The following SUPT6H variants were observed in gnomAD, a reference collection of about 807,000 sequenced individuals.
SUPT6H encodes SPT6 homolog, histone chaperone and transcription elongation factor, also known as transcription elongation factor SPT6.
In SUPT6H, 11 loss-of-function variants were observed where a neutral mutation model predicts 222.3. The observed-to-expected ratio is 0.05, with a 90% CI of 0.03 to 0.08. SUPT6H has a LOEUF of 0.08. Ranked by LOEUF, SUPT6H falls within the 10% of genes least tolerant of loss-of-function variation. The pLI, the probability that SUPT6H is intolerant of heterozygous loss-of-function variation, is 1.00. For synonymous variants in SUPT6H, 762 were observed against 801.2 expected, an observed-to-expected ratio of 0.95 and a Z score of 0.83; for missense variants, 1,422 against 2,216.0, an observed-to-expected ratio of 0.64 and a Z score of 7.19.
At chr17:28,692,502 G>A (rs1567701533) in intron 27 of SUPT6H, among the ~76,000 whole-genome samples, 2 of 146,000 alleles carry the variant, frequency 1.4e-5, no homozygotes, top group Non-Finnish European at 3.0e-5. Context: ...GTGTGGTGGT[G>A]AGACTCCTAT....
intron 1 of SUPT6H, among the ~76,000 whole-genome samples, chr17:28,663,827 C>CCTTTTTTTTTTTTTTTTTTTTTTT (rs1567681347): frequency 7.1e-4 from 6 of 8,408 alleles, no homozygotes; most frequent in African/African-American, 1.3e-3. Context: ...CTGCCCACTC[C>CCTTTTTTTTTTTTTTTTTTTTTTT]ATTTTTTTTT....
At chr17:28,681,473 G>A in intron 12 of SUPT6H, 69 bp downstream of exon 12, 1 of 1,509,998 alleles carries the variant, frequency 6.6e-7, no homozygotes. Context: ...TGTAATCCCA[G>A]CATTTTCAGA....
intron 28 of SUPT6H, 70 bp downstream of exon 28, chr17:28,693,906 G>C (rs1431876332): frequency 8.7e-6 from 14 of 1,600,114 alleles, no homozygotes; most frequent in Non-Finnish European, 1.2e-5. Flanking sequence ...TTTAACTTTG[G>C]GCTGTCCCCA....
chr17:28,691,239 T>A, intron 27 of SUPT6H, 176 bp downstream of exon 27: 2 of 875,046 alleles, frequency 2.3e-6, no homozygotes, highest in Non-Finnish European at 3.4e-6. Flanking sequence ...CTGAGAAGGC[T>A]GACATAGCTG....
chr17:28,691,248 T>TG, intron 27 of SUPT6H, 185 bp downstream of exon 27: 1 of 778,524 alleles, frequency 1.3e-6, no homozygotes. Flanking sequence ...CTGACATAGC[T>TG]GGGCACGGTG....
intron 29 of SUPT6H, among the ~76,000 whole-genome samples, chr17:28,696,296 C>CAA (rs1185490286): frequency 1.1e-4 from 6 of 53,704 alleles, no homozygotes; most frequent in Admixed American, 2.1e-4. Flanking sequence ...GACTCTGTCT[C>CAA]AAAAAAAAAA....
In SUPT6H at chr17:28,686,672, T is replaced by C; in HGVS notation, c.2583T>C (p.Ile861=). 1 of 1,600,090 alleles carries C rather than the reference T, an allele frequency of 6.2e-7. No homozygotes were observed. The highest frequency in any genetic ancestry group is 8.5e-7 in the Non-Finnish European group (1 of 1,174,500). ...CCACCAGGGACGCCCAGATGTTGAT[T>C]GAAGATGTGAAGCGCATTGTACATG... ...AGENRDAQML[I]EDVKRIVHEL... The change falls in exon 21 of 37, where the codon ATT becomes ATC. Residue 861 remains isoleucine (I), a synonymous_variant. Transcript: ENST00000314616.
chr17:28,679,367 C>T (rs1327992297), intron 11 of SUPT6H, among the ~76,000 whole-genome samples: 4 of 151,152 alleles, frequency 2.6e-5, no homozygotes, highest in South Asian at 2.1e-4. Flanking sequence ...AGCGAGACTT[C>T]GTCTCAAAAA....
intron 30 of SUPT6H, 77 bp from the exon 31 acceptor site, chr17:28,697,543 G>A: frequency 8.0e-7 from 1 of 1,253,544 alleles, no homozygotes; most frequent in South Asian, 1.3e-5. Flanking sequence ...CCCTCCCATG[G>A]TTTTTCTTCT....
chr17:28,674,790 G>A lies in SUPT6H; in HGVS notation c.345+177G>A, dbSNP rs894313166. 10 of 945,652 alleles carry A rather than the reference G, an allele frequency of 1.1e-5. No homozygotes were observed. The African/African-American group carries it at 1.7e-4, about 16-fold the overall frequency. The allele number at this position is 945,652 out of a possible 1,614,324, so 58.6% of individuals were successfully genotyped here. On this transcript the variant is annotated intron_variant, in intron 4 of 36. Transcript: ENST00000314616. ...ATCCCAGATCTGGGTGCCTGTTAGA[G>A]AAAGTCTTGTCCAAGTTTCAAGGAT...
At chr17:28,673,668 T>C (rs2030565950) in intron 2 of SUPT6H, 158 bp downstream of exon 2, 3 of 610,486 alleles carry the variant, frequency 4.9e-6, no homozygotes, top group African/African-American at 1.8e-5. Flanking sequence ...TAACTGAGCA[T>C]CTGTCTGTAT....
Position 28,701,678 on chromosome 17 carries a change from G to A in SUPT6H, c.*53G>A, listed in dbSNP as rs2032142611. 3.3e-6 allele frequency: 5 copies of A among 1,530,196 alleles called. No homozygotes were observed. Among genetic ancestry groups the A allele is most frequent in the Non-Finnish European group, 4.4e-6 (5 of 1,129,152 alleles). The allele number at this position is 1,530,196 out of a possible 1,614,324, so 94.8% of individuals were successfully genotyped here. A position where few individuals can be genotyped will look rare whatever the true frequency, so the allele number is the denominator to read the frequency against. On this transcript the variant is annotated 3_prime_UTR_variant, in exon 37 of 37. Transcript: ENST00000314616. ...CTCTGAGGCTGGGAAAGGCCTGGCTGCCCACTGCCTCCCTCCCTGCCCCTC... is the reference window on the plus strand; with the variant it reads ...CTCTGAGGCTGGGAAAGGCCTGGCTACCCACTGCCTCCCTCCCTGCCCCTC...
intron 1 of SUPT6H, among the ~76,000 whole-genome samples, chr17:28,668,797 G>A (rs2151605043): frequency 6.6e-6 from 1 of 152,298 alleles, no homozygotes; most frequent in South Asian, 2.1e-4. Context: ...TGTTTTTAAT[G>A]GCTCAGTTCA....
chr17:28,698,681 A>C (rs2032021765), intron 32 of SUPT6H, among the ~76,000 whole-genome samples: 1 of 152,152 alleles, frequency 6.6e-6, no homozygotes, highest in Admixed American at 6.5e-5. Flanking sequence ...CCATCCTTCC[A>C]TTGGCCTTTG....
intron 1 of SUPT6H, among the ~76,000 whole-genome samples, chr17:28,663,502 A>C (rs2072104261): frequency 1.3e-5 from 2 of 152,178 alleles, no homozygotes; most frequent in Non-Finnish European, 2.9e-5. Context: ...AGTGTGGTGG[A>C]AACATGATCT....
In SUPT6H at chr17:28,700,166, C is replaced by T. The variant is rs1203049653; in HGVS notation, c.4562-7C>T. The T allele has an allele frequency of 1.2e-6, 2 of 1,614,206 alleles. No individual in the cohort carries two copies. The highest frequency in any genetic ancestry group is 2.2e-5 in the South Asian group (2 of 91,088). ...GAGGGATGTAACTAAATAATCACTT[C>T]CTGCAGGCATCACCCCTAGCAGCAG... On this transcript the variant is annotated splice_polypyrimidine_tract_variant and splice_region_variant and intron_variant, in intron 33 of 36. Transcript: ENST00000314616.
intron 4 of SUPT6H, 22 bp from the exon 5 acceptor site, chr17:28,674,948 A>C: frequency 6.2e-7 from 1 of 1,611,178 alleles, no homozygotes; most frequent in Middle Eastern, 1.7e-4. Flanking sequence ...GATCCTGATA[A>C]GGCAGGTTTT....
At position 28,683,636 on chromosome 17, in the gene SUPT6H, G is replaced by C; in HGVS notation, c.2049G>C (p.Gln683His). 6.2e-6 allele frequency: 10 copies of C among 1,614,010 alleles called. No individual in the cohort carries two copies. The highest frequency in any genetic ancestry group is 8.5e-6 in the Non-Finnish European group (10 of 1,179,956). ...CTCTTCTCAGCTATGGCAACGACCAGACATATTTTGAGGAGATAAAACAGT... is the reference window on the plus strand; with the variant it reads ...CTCTTCTCAGCTATGGCAACGACCACACATATTTTGAGGAGATAAAACAGT... Reference protein sequence around the residue: ...LKGVEGYGNDQTYFEEIKQFY... With the variant: ...LKGVEGYGNDHTYFEEIKQFY... The change falls in exon 17 of 37, where the codon CAG (glutamine) becomes CAC (histidine). Residue 683 changes from glutamine (Q) to histidine (H), a missense_variant. Transcript: ENST00000314616.
chr17:28,702,590 C>CA lies in SUPT6H; in HGVS notation c.*966dup, dbSNP rs2032175533. 1 of 152,528 alleles carries CA rather than the reference C, an allele frequency of 6.6e-6. No homozygotes were observed. The highest frequency in any genetic ancestry group is 2.1e-4 in the South Asian group (1 of 4,834). 9.4% of individuals were successfully genotyped at this position (152,528 alleles called of 1,614,324 possible). A position where few individuals can be genotyped will look rare whatever the true frequency, so the allele number is the denominator to read the frequency against. ...CCCGGTATTATTACACCCACTCACT[C>CA]ACCCACAGCACAGCTGCCCCATCCG... On this transcript the variant is annotated 3_prime_UTR_variant, in exon 37 of 37. Coordinates refer to ENST00000314616, the MANE Select transcript of SUPT6H (RefSeq NM_003170.5).
Sources: allele counts gnomAD v4.1 joint callset (sites outside exome capture counted in the v4.1 genomes callset), GRCh38; gene constraint gnomAD v4.1.1; transcripts MANE v1.5; gene names NCBI Gene and HGNC (gene_info 2026-07-23, HGNC 2026-07-21).